Variants in CRHR1 observed in about 807,000 individuals in gnomAD.
CRHR1 encodes corticotropin-releasing hormone receptor 1.
A neutral mutation model predicts 56.0 loss-of-function variants in CRHR1; 28 were observed. That is an observed-to-expected ratio of 0.50 (90% confidence interval 0.37 to 0.69). The LOEUF (loss-of-function observed/expected upper bound fraction) is 0.69. CRHR1 is among the 30% of genes least tolerant of loss of function. The pLI, the probability that CRHR1 is intolerant of heterozygous loss-of-function variation, is 0.00. For missense variants in CRHR1, 376 were observed against 548.0 expected, an observed-to-expected ratio of 0.69 and a Z score of 3.13; for synonymous variants, 195 against 216.5, an observed-to-expected ratio of 0.90 and a Z score of 0.87.
chr17:45,814,163 G>T (rs964766357), intron 2 of CRHR1, among the ~76,000 whole-genome samples: 1 of 152,222 alleles, frequency 6.6e-6, no homozygotes, highest in South Asian at 2.1e-4. Context: ...CATTCCAGAC[G>T]CTGCCACATG....
intron 4 of CRHR1, among the ~76,000 whole-genome samples, chr17:45,824,442 T>G (rs552787120): frequency 6.8e-4 from 104 of 152,282 alleles, no homozygotes; most frequent in Non-Finnish European, 1.0e-3. Context: ...TCTCTCCTGC[T>G]CTATTGCAAG....
At chr17:45,795,089 TGA>T (rs573957753) in intron 1 of CRHR1, among the ~76,000 whole-genome samples, 1 of 152,014 alleles carries the variant, frequency 6.6e-6, no homozygotes, top group South Asian at 2.1e-4. Flanking sequence ...CAGGACAGAG[TGA>T]GTCAGGGGAA....
Position 45,833,549 on chromosome 17 carries a change from C to T in CRHR1, c.929+12C>T, listed in dbSNP as rs896052714. 19 of 1,613,166 alleles carry T rather than the reference C, an allele frequency of 1.2e-5. No homozygotes were observed. Among genetic ancestry groups the T allele is most frequent in the Non-Finnish European group, 1.4e-5 (17 of 1,179,386 alleles). On this transcript the variant is annotated intron_variant, in intron 10 of 12. Coordinates refer to ENST00000314537, the MANE Select transcript of CRHR1 (RefSeq NM_004382.5). The stretch of plus-strand genomic sequence containing the variant: ...ACCATTCAGTACAGGTAACCGGGTA[C>T]CACCTTCCTCAGGCCTCCCCCTGAT...
At chr17:45,810,895 G>C (rs2061810126) in intron 2 of CRHR1, among the ~76,000 whole-genome samples, 1 of 152,248 alleles carries the variant, frequency 6.6e-6, no homozygotes, top group African/African-American at 2.4e-5. Context: ...CAGAGGCCCT[G>C]CCCATTCATC....
intron 3 of CRHR1, among the ~76,000 whole-genome samples, chr17:45,818,013 T>C (rs2061963814): frequency 6.6e-6 from 1 of 152,134 alleles, no homozygotes. Flanking sequence ...ACTCTCACGA[T>C]GCTGGGGGCT....
Position 45,833,218 on chromosome 17 carries a change from C to CCA in CRHR1, c.843+9_843+10insAC. 1.2e-6 allele frequency: 2 copies of CCA among 1,613,810 alleles called. No homozygotes were observed. The highest frequency in any genetic ancestry group is 8.5e-7 in the Non-Finnish European group (1 of 1,179,770). ...ATGATCCTGGTCCTGCTGGTAAGAA[C>CCA]CTGGGTAGGGGCAGGAGACAGGGCC... is the stretch of plus-strand genomic sequence containing the variant. On this transcript the variant is annotated intron_variant, in intron 9 of 12. Coordinates refer to ENST00000314537, the MANE Select transcript of CRHR1 (RefSeq NM_004382.5).
chr17:45,785,514 G>T (rs1338644724), intron 1 of CRHR1, among the ~76,000 whole-genome samples: 2 of 152,204 alleles, frequency 1.3e-5, no homozygotes, highest in Non-Finnish European at 2.9e-5. Context: ...CCCGCTTCGC[G>T]CCAGTCTGGG....
At chr17:45,796,066 C>T (rs943254530) in intron 1 of CRHR1, among the ~76,000 whole-genome samples, 3 of 152,166 alleles carry the variant, frequency 2.0e-5, no homozygotes, top group African/African-American at 7.2e-5. Flanking sequence ...CCTTTTAAAA[C>T]GCAGCTCCAT....
intron 12 of CRHR1, 50 bp from the exon 13 acceptor site, chr17:45,834,574 G>A (rs2062394872): frequency 6.4e-7 from 1 of 1,561,288 alleles, no homozygotes. Context: ...GGGGAGGGAG[G>A]GGGTCCTGAG....
rs112936701 is a variant in CRHR1, at chr17:45,784,861, G to T, written c.33+284G>T. Among the ~76,000 whole-genome samples the T allele has an allele frequency of 1.1e-3, 165 of 152,294 alleles. No homozygotes were observed. Among genetic ancestry groups the T allele is most frequent in the African/African-American group, 3.8e-3 (158 of 41,576 alleles). On this transcript the variant is annotated intron_variant, in intron 1 of 12. Coordinates refer to ENST00000314537, the MANE Select transcript of CRHR1 (RefSeq NM_004382.5). The surrounding 1 kb of genome is among the most constrained non-coding windows in gnomAD (Gnocchi z 4.2). The stretch of plus-strand genomic sequence containing the variant: ...GGTAGCCGGCTCCGCGCCAAGAATC[G>T]CTCTAGGCTCTCGGGCAGACGCCTA...
intron 1 of CRHR1, among the ~76,000 whole-genome samples, chr17:45,793,433 AGGC>A (rs2061462038): frequency 6.6e-6 from 1 of 152,028 alleles, no homozygotes; most frequent in Admixed American, 6.5e-5. Context: ...GGGACTGGGG[AGGC>A]GGCCTAGGTG....
At chr17:45,806,526 C>T (rs2061722431) in intron 1 of CRHR1, among the ~76,000 whole-genome samples, 1 of 152,186 alleles carries the variant, frequency 6.6e-6, no homozygotes, top group South Asian at 2.1e-4. Context: ...GTTCACAAAA[C>T]AAGAGGCCAG....
chr17:45,830,030 G>A (rs2062259345), intron 5 of CRHR1, 64 bp from the exon 6 acceptor site: 4 of 1,604,474 alleles, frequency 2.5e-6, no homozygotes, highest in African/African-American at 1.3e-5. Context: ...GGGTGATGGA[G>A]GTGGCCTACC....
At chr17:45,803,784 G>GCGCGCA (rs1258303596) in intron 1 of CRHR1, among the ~76,000 whole-genome samples, 2 of 152,104 alleles carry the variant, frequency 1.3e-5, no homozygotes, top group South Asian at 4.1e-4. Flanking sequence ...GTGCGTGCGC[G>GCGCGCA]TGCGCGTGTG....
intron 4 of CRHR1, among the ~76,000 whole-genome samples, chr17:45,828,336 C>T (rs1018246070): frequency 2.0e-5 from 3 of 152,212 alleles, no homozygotes; most frequent in Admixed American, 6.5e-5. Flanking sequence ...CGACCTCCAG[C>T]GCGTCAGCAT....
intron 1 of CRHR1, among the ~76,000 whole-genome samples, chr17:45,803,757 C>CGCGTGTGTGTGT (rs1555650792): frequency 7.7e-6 from 1 of 129,452 alleles, no homozygotes; most frequent in Admixed American, 8.1e-5. Context: ...AGAGAGAGTG[C>CGCGTGTGTGTGT]GTGTGTGTGT....
chr17:45,791,716 C>G (rs2061427916), intron 1 of CRHR1, among the ~76,000 whole-genome samples: 1 of 152,006 alleles, frequency 6.6e-6, no homozygotes, highest in Non-Finnish European at 1.5e-5. Context: ...GCCATGATCC[C>G]TTCCACCACC....
Position 45,834,495 on chromosome 17 carries a change from A to G in CRHR1, c.1108-129A>G, listed in dbSNP as rs868744772. The G allele has an allele frequency of 3.3e-5, 33 of 1,001,794 alleles. No individual in the cohort carries two copies. In the Middle Eastern group the frequency reaches 1.3e-3, roughly 39 times the overall value. The allele number at this position is 1,001,794 out of a possible 1,614,324, so 62.1% of individuals were successfully genotyped here. ...GTTAAGGCTGTGAGTGTCATCCCCT[A>G]CTGAGGACTTCCATGTACTCAGCTG... is the stretch of plus-strand genomic sequence containing the variant. On this transcript the variant is annotated intron_variant, in intron 12 of 12. Transcript: ENST00000314537.
intron 2 of CRHR1, 132 bp from the exon 3 acceptor site, chr17:45,816,331 G>A: frequency 2.4e-6 from 3 of 1,248,692 alleles, no homozygotes; most frequent in South Asian, 3.0e-5. Context: ...ACTGGTCATT[G>A]TTGTCATCCT....
Sources: gnomAD v4.1 joint callset for allele counts (sites outside exome capture counted in the v4.1 genomes callset) on GRCh38, gnomAD v4.1.1 for gene constraint, Gnocchi (gnomAD v3.1) non-coding constraint, MANE v1.5 for transcripts, NCBI Gene and HGNC (gene_info 2026-07-23, HGNC 2026-07-21) for gene names.